Variants in RUNX3 observed in about 807,000 individuals in gnomAD.
RUNX3 encodes runt-related transcription factor 3.
In RUNX3, 10 loss-of-function variants were observed where a neutral mutation model predicts 27.7. The observed-to-expected ratio is 0.36, with a 90% confidence interval of 0.22 to 0.61. The LOEUF (loss-of-function observed/expected upper bound fraction) is 0.61. RUNX3 is among the 20% of genes least tolerant of loss of function. The pLI, the probability that RUNX3 is intolerant of heterozygous loss-of-function variation, is 0.72. For synonymous variants in RUNX3, 270 were observed against 269.2 expected, an observed-to-expected ratio of 1.00 and a Z score of -0.03; for missense variants, 469 against 629.5, an observed-to-expected ratio of 0.75 and a Z score of 2.73.
At chr1:24,931,328 GCT>G (rs1641223267), upstream of RUNX3, among the ~76,000 whole-genome samples, 1 of 152,130 alleles carries the variant, frequency 6.6e-6, no homozygotes, top group South Asian at 2.1e-4. Context: ...TGCCCGCCCG[GCT>G]CCGGGTCCCC....
Position 24,904,903 on chromosome 1 carries a change from C to T in RUNX3, c.704-2237G>A, listed in dbSNP as rs1395091282. Among the ~76,000 whole-genome samples, 14 of 152,184 alleles carry T rather than the reference C, an allele frequency of 9.2e-5. No individual in the cohort carries two copies. Among genetic ancestry groups the T allele is most frequent in the Non-Finnish European group, 1.8e-4 (12 of 68,024 alleles). ...GCAGCCCCAGGAAACCCGAGCTGCC[C>T]GGGGCACTGTCGAGTGGCCAATCCC... On this transcript the variant is annotated intron_variant, in intron 4 of 4. Transcript: ENST00000308873. The surrounding 1 kb of genome is among the most constrained non-coding windows in gnomAD (Gnocchi z 5.7).
upstream of RUNX3, among the ~76,000 whole-genome samples, chr1:24,932,765 G>A (rs1641261330): frequency 6.6e-6 from 1 of 152,120 alleles, no homozygotes; most frequent in African/African-American, 2.4e-5. Context: ...CCCCACCTGG[G>A]GCATGCAGAC....
chr1:24,949,376 C>T (rs187837331), intron 2 of RUNX3, among the ~76,000 whole-genome samples: 2 of 152,182 alleles, frequency 1.3e-5, no homozygotes, highest in South Asian at 2.1e-4. Context: ...CCCCGCCCCC[C>T]GTGAGCAGAC....
rs1223050772 is a variant in RUNX3 at position 24,902,429 on chromosome 1, C to T, written c.941G>A (p.Gly314Glu). The T allele has an allele frequency of 1.9e-6, 3 of 1,611,244 alleles. No homozygotes were observed. The highest frequency in any genetic ancestry group is 2.5e-6 in the Non-Finnish European group (3 of 1,178,372). ...GGGCCCGCTCTGGTTCTGCGGGGCC[C>T]CCGGGTAGGGTGGCGGGAGGTAGGT... ...HHTYLPPPYP[G>E]APQNQSGPFQ... is the part of the protein sequence containing the mutation. Residue 314 changes from glycine to glutamate, a missense_variant, in exon 5 of 5, where the codon GGG becomes GAG. Physicochemically the swap from Gly to Glu is moderately conservative, Grantham distance 98. Around this residue, in one of 3 missense-constraint regions of RUNX3, gnomAD observed 279 missense variants for 343.0 expected, o/e 0.81. Coordinates refer to ENST00000308873, the MANE Select transcript of RUNX3 (RefSeq NM_004350.3). The surrounding 1 kb of genome is among the most constrained non-coding windows in gnomAD (Gnocchi z 9.2).
chr1:24,929,370 G>A (rs975995806), intron 1 of RUNX3: 1 of 701,604 alleles, frequency 1.4e-6, no homozygotes, highest in Non-Finnish European at 2.6e-6. Flanking sequence ...AGGTGGAGCG[G>A]GGCAACCCCG....
intron 2 of RUNX3, among the ~76,000 whole-genome samples, chr1:24,942,815 A>G (rs1305692493): frequency 6.6e-6 from 1 of 152,186 alleles, no homozygotes; most frequent in Non-Finnish European, 1.5e-5. Context: ...GCGGTGCCCT[A>G]ATGCCAGGAC....
At chr1:24,924,362 A>C (rs76255004) in intron 2 of RUNX3, among the ~76,000 whole-genome samples, 7,226 of 152,232 alleles carry the variant, frequency 0.047, 506 homozygotes, top group African/African-American at 0.15. Context: ...CCTTGTCCCA[A>C]AAAAAAGTAA....
At chr1:24,945,456 A>G (rs752699263) in intron 2 of RUNX3, among the ~76,000 whole-genome samples, 2 of 152,206 alleles carry the variant, frequency 1.3e-5, no homozygotes, top group African/African-American at 4.8e-5. Flanking sequence ...AAATGATAAA[A>G]GCAGACAGTT....
intron 2 of RUNX3, among the ~76,000 whole-genome samples, chr1:24,953,196 CTCTACT>C (rs1240130132): frequency 2.0e-5 from 3 of 151,778 alleles, no homozygotes; most frequent in Non-Finnish European, 4.4e-5. Flanking sequence ...GAAACCCCGT[CTCTACT>C]AAAAATACAA....
Position 24,930,114 on chromosome 1 carries a change from G to C in RUNX3, c.-246C>G, listed in dbSNP as rs1641188827. 1 of 979,086 alleles carries C rather than the reference G, an allele frequency of 1.0e-6. No individual in the cohort carries two copies. The highest frequency in any genetic ancestry group is 6.4e-5 in the Admixed American group (1 of 15,704). 60.6% of individuals were successfully genotyped at this position (979,086 alleles called of 1,614,324 possible). ...GCTAGTCCCGCATCCTCGGCGCGCG[G>C]CCCCGCGTGCGGCCGCCCCTCGTGG... is the stretch of plus-strand genomic sequence containing the variant. On this transcript the variant is annotated 5_prime_UTR_variant, in exon 1 of 5. Coordinates refer to ENST00000308873, the MANE Select transcript of RUNX3 (RefSeq NM_004350.3). The surrounding 1 kb of genome is among the most constrained non-coding windows in gnomAD (Gnocchi z 4.1).
chr1:24,929,171 A>C (rs1166721450), intron 1 of RUNX3: 2 of 473,738 alleles, frequency 4.2e-6, no homozygotes, highest in African/African-American at 3.9e-5. Context: ...GCGCGGGAGG[A>C]GGGGTGCTGG....
At chr1:24,952,106 G>A (rs1489816813) in intron 2 of RUNX3, among the ~76,000 whole-genome samples, 2 of 152,220 alleles carry the variant, frequency 1.3e-5, no homozygotes, top group Admixed American at 6.5e-5. Context: ...TTTCTAGACT[G>A]TCAATTACGA....
chr1:24,929,217 A>G, intron 1 of RUNX3: 3 of 513,356 alleles, frequency 5.8e-6, no homozygotes, highest in Non-Finnish European at 1.1e-5. Flanking sequence ...TTCGCACCCC[A>G]CCCGCGGTGT....
At chr1:24,957,832 C>T (rs1247675400) in intron 2 of RUNX3, among the ~76,000 whole-genome samples, 1 of 152,212 alleles carries the variant, frequency 6.6e-6, no homozygotes, top group Non-Finnish European at 1.5e-5. Flanking sequence ...AGGTGAGGCA[C>T]CTCTCCCAAC....
chr1:24,929,647 G>A lies in RUNX3; in HGVS notation c.222C>T (p.Phe74=), dbSNP rs750722272. ...AGTGCGAGGGCAGCACGGAGCAGAG[G>A]AAGTTGGGGCTGTCGGTGCGCACGA... ...GELVRTDSPN[F]LCSVLPSHWR... The change falls in exon 1 of 5, where the codon TTC becomes TTT. Residue 74 remains phenylalanine, a synonymous_variant. Transcript: ENST00000308873. 1 of 1,606,896 alleles carries A rather than the reference G, an allele frequency of 6.2e-7. No individual in the cohort carries two copies. Among genetic ancestry groups the A allele is most frequent in the South Asian group, 1.1e-5 (1 of 90,748 alleles).
At position 24,962,608 on chromosome 1, in the gene RUNX3, G is replaced by A. The variant is rs1395167776; in HGVS notation, c.58+1906C>T. 2.0e-5 allele frequency among the ~76,000 whole-genome samples: 3 copies of A among 152,256 alleles called. No homozygotes were observed. The highest frequency in any genetic ancestry group is 4.4e-5 in the Non-Finnish European group (3 of 68,038). On this transcript the variant is annotated intron_variant, in intron 2 of 6. Transcript: ENST00000338888. This position sits in a 1 kb window ranked among gnomAD's most constrained non-coding sequence, Gnocchi z 4.5. ...AGGGGAGACAGGTCTCCACAAAAGTGGAGGGAAGGCCCTCGGGCCACAGAC... is the reference window on the plus strand; with the variant it reads ...AGGGGAGACAGGTCTCCACAAAAGTAGAGGGAAGGCCCTCGGGCCACAGAC...
At chr1:24,910,945 TG>T (rs1027397257) in intron 3 of RUNX3, among the ~76,000 whole-genome samples, 2 of 152,158 alleles carry the variant, frequency 1.3e-5, no homozygotes, top group African/African-American at 4.8e-5. Flanking sequence ...GGGTGGGGCC[TG>T]GAGCGGATGG....
chr1:24,915,569 G>A (rs970296149), intron 3 of RUNX3, among the ~76,000 whole-genome samples: 3 of 152,212 alleles, frequency 2.0e-5, no homozygotes, highest in Admixed American at 2.0e-4. Context: ...GAGGAAGGCT[G>A]TGTGTGTGCC....
At chr1:24,948,979 A>G (rs1317352798) in intron 2 of RUNX3, among the ~76,000 whole-genome samples, 1 of 151,986 alleles carries the variant, frequency 6.6e-6, no homozygotes, top group Non-Finnish European at 1.5e-5. Flanking sequence ...TACAAATAAT[A>G]TGAGCACAAT....
Sources: gnomAD v4.1 joint callset for allele counts (sites outside exome capture counted in the v4.1 genomes callset) on GRCh38, gnomAD v4.1.1 for gene constraint, gnomAD v4.1.1 regional missense constraint, Gnocchi (gnomAD v3.1) non-coding constraint, MANE v1.5 for transcripts, NCBI Gene and HGNC (gene_info 2026-07-23, HGNC 2026-07-21) for gene names.